MKRN2OS: variants seen among roughly 807,000 people sequenced by gnomAD.
MKRN2OS encodes MKRN2 opposite strand protein.
Under a neutral mutation model 18.2 loss-of-function variants are expected in MKRN2OS, and 17 were observed. The observed-to-expected ratio is 0.93, with a 90% CI of 0.64 to 1.40. The LOEUF is 1.40. Among genes scored for constraint, MKRN2OS ranks in the 40% most tolerant of loss-of-function variants. MKRN2OS has a pLI of 0.00. For synonymous variants in MKRN2OS, 121 were observed against 108.5 expected (o/e 1.12, Z -0.72); for missense variants, 337 against 283.0 (o/e 1.19, Z -1.37).
upstream of MKRN2OS, among the ~76,000 whole-genome samples, chr3:12,547,704 T>C (rs2057896560): frequency 6.6e-6 from 1 of 152,164 alleles, no homozygotes; most frequent in Non-Finnish European, 1.5e-5. Context: ...CAAGGCCTAA[T>C]TGATGCCTGT....
At chr3:12,556,769 G>A (rs2057974784) in intron 1 of MKRN2OS, among the ~76,000 whole-genome samples, 1 of 152,116 alleles carries the variant, frequency 6.6e-6, no homozygotes, top group Non-Finnish European at 1.5e-5. Flanking sequence ...CCCCAGGAGT[G>A]GTGAAGTGCC....
chr3:12,560,413 G>A (rs1186998335), intron 1 of MKRN2OS, among the ~76,000 whole-genome samples: 3 of 149,938 alleles, frequency 2.0e-5, no homozygotes, highest in Admixed American at 6.7e-5. Flanking sequence ...TTCCCCCTCA[G>A]TGGATCTGCT....
upstream of MKRN2OS, chr3:12,545,522 T>C: frequency 9.0e-6 from 12 of 1,326,224 alleles, no homozygotes; most frequent in Non-Finnish European, 1.2e-5. Flanking sequence ...TTCCTCATTA[T>C]ACACCTGGCG....
intron 1 of MKRN2OS, among the ~76,000 whole-genome samples, chr3:12,558,532 T>C (rs1044755123): frequency 1.3e-5 from 2 of 151,932 alleles, no homozygotes; most frequent in Admixed American, 1.3e-4. Context: ...CACAAAACAG[T>C]ACACATTTAT....
downstream of MKRN2OS, among the ~76,000 whole-genome samples, chr3:12,552,468 A>G (rs557556925): frequency 2.0e-5 from 3 of 148,066 alleles, no homozygotes; most frequent in Non-Finnish European, 3.0e-5. Flanking sequence ...CTGGAGTGCA[A>G]TGGCGCCATC....
At chr3:12,552,274 TG>T (rs1191687622), downstream of MKRN2OS, among the ~76,000 whole-genome samples, 1 of 151,378 alleles carries the variant, frequency 6.6e-6, no homozygotes, top group Admixed American at 6.6e-5. Flanking sequence ...GCTGAGATCG[TG>T]CCGCTGCACT....
rs1197553079 is a variant in MKRN2OS at position 12,539,972 on chromosome 3, A to G, written c.*221T>C. The stretch of plus-strand genomic sequence containing the variant: ...AGCTAATTTTATATTTTTAGTAAGG[A>G]CGGGGTTTCTCCATGTTGGTCAGGC... On this transcript the variant is annotated 3_prime_UTR_variant, in exon 4 of 4. Coordinates refer to ENST00000564146, the MANE Select transcript of MKRN2OS (RefSeq NM_001195279.2). 3.6e-6 allele frequency: 2 copies of G among 548,302 alleles called. No individual in the cohort carries two copies. Among genetic ancestry groups the G allele is most frequent in the East Asian group, 6.7e-5 (2 of 29,768 alleles). The allele number at this position is 548,302 out of a possible 1,614,324, so 34.0% of individuals were successfully genotyped here. A position where few individuals can be genotyped will look rare whatever the true frequency, so the allele number is the denominator to read the frequency against.
chr3:12,543,780 T>G (rs946190831), intron 1 of MKRN2OS, among the ~76,000 whole-genome samples: 7 of 150,900 alleles, frequency 4.6e-5, no homozygotes, highest in Non-Finnish European at 1.0e-4. Flanking sequence ...TAATCCCAGC[T>G]ACTCGGATGA....
At chr3:12,559,244 A>C (rs969214262) in intron 1 of MKRN2OS, among the ~76,000 whole-genome samples, 9 of 152,204 alleles carry the variant, frequency 5.9e-5, no homozygotes, top group African/African-American at 2.2e-4. Context: ...AAGAGTACCA[A>C]GTTTACATTA....
rs990680129 is a variant in MKRN2OS at position 12,541,368 on chromosome 3, C to T, written c.431+492G>A. On this transcript the variant is annotated intron_variant, in intron 3 of 3. Transcript: ENST00000564146. ...CTCCCAAGTAGGGACTACAGACGTC[C>T]ACCACCACGCCTGGCTATTTTTGTA... Among the ~76,000 whole-genome samples, 20 of 151,954 alleles carry T rather than the reference C, an allele frequency of 1.3e-4. 1 individual carries two copies. The highest frequency in any genetic ancestry group is 1.3e-3 in the Admixed American group (20 of 15,260).
chr3:12,557,071 G>C, intron 1 of MKRN2OS: 1 of 1,332,480 alleles, frequency 7.5e-7, no homozygotes, highest in Non-Finnish European at 9.7e-7. Flanking sequence ...TACGCGGGAT[G>C]GGCCGGGCCA....
intron 1 of MKRN2OS, among the ~76,000 whole-genome samples, chr3:12,556,794 A>C (rs1407227591): frequency 6.6e-6 from 1 of 152,020 alleles, no homozygotes; most frequent in Non-Finnish European, 1.5e-5. Flanking sequence ...AGGAGGCGGG[A>C]GATCCCTAAG....
chr3:12,552,689 G>A (rs1362969843), downstream of MKRN2OS, among the ~76,000 whole-genome samples: 2 of 151,580 alleles, frequency 1.3e-5, no homozygotes, highest in Non-Finnish European at 2.9e-5. Context: ...AGGATTACAG[G>A]TGTGAGCCAC....
intron 1 of MKRN2OS, chr3:12,556,945 C>G: frequency 2.2e-6 from 1 of 450,322 alleles, no homozygotes; most frequent in South Asian, 8.7e-5. Flanking sequence ...GCCGGGACAG[C>G]CGGCCCGATC....
chr3:12,543,730 T>A (rs1183882722), intron 1 of MKRN2OS, among the ~76,000 whole-genome samples: 4 of 150,370 alleles, frequency 2.7e-5, no homozygotes, highest in Admixed American at 2.7e-4. Context: ...TACTAAAAAA[T>A]AAAATACAAA....
At chr3:12,555,958 T>C (rs996257391) in intron 1 of MKRN2OS, among the ~76,000 whole-genome samples, 2 of 146,234 alleles carry the variant, frequency 1.4e-5, no homozygotes, top group African/African-American at 5.1e-5. Context: ...AGCAAGACCC[T>C]GCCTCAAAAC....
intron 1 of MKRN2OS, among the ~76,000 whole-genome samples, chr3:12,544,195 A>G (rs2057854531): frequency 6.6e-6 from 1 of 152,216 alleles, no homozygotes; most frequent in Admixed American, 6.5e-5. Flanking sequence ...TTTCTTATTC[A>G]AAACCAGCAC....
Position 12,545,320 on chromosome 3 carries a change from C to T in MKRN2OS, c.145G>A (p.Ala49Thr), listed in dbSNP as rs945058101. The change falls in exon 1 of 4, where the codon GCT becomes ACT. Residue 49 changes from alanine (A) to threonine (T), a missense_variant. Ala to Thr is a moderately conservative substitution (Grantham distance 58). Coordinates refer to ENST00000564146, the MANE Select transcript of MKRN2OS (RefSeq NM_001195279.2). ...TGATGTCCATTAGTAAATGGATTAG[C>T]GATGCTAACAGGTGCGTCCTCCAGC... Reference protein sequence around the residue: ...RKLEDAPVSIANPFTNGHQEK... With the variant: ...RKLEDAPVSITNPFTNGHQEK... The T allele has an allele frequency of 7.2e-6, 11 of 1,535,994 alleles. No individual in the cohort carries two copies. Among genetic ancestry groups the T allele is most frequent in the African/African-American group, 4.1e-5 (3 of 73,048 alleles).
upstream of MKRN2OS, among the ~76,000 whole-genome samples, chr3:12,548,650 A>G (rs1387914755): frequency 1.3e-5 from 2 of 151,992 alleles, no homozygotes; most frequent in African/African-American, 2.4e-5. Flanking sequence ...ACATAAATAA[A>G]CCACATGGTA....
Sources: allele counts gnomAD v4.1 joint callset (sites outside exome capture counted in the v4.1 genomes callset), GRCh38; gene constraint gnomAD v4.1.1; transcripts MANE v1.5; gene names NCBI Gene and HGNC (gene_info 2026-07-23, HGNC 2026-07-21).